Variants in AFDN observed in about 807,000 individuals in gnomAD.
AFDN encodes afadin, adherens junction formation factor.
Under a neutral mutation model 216.6 loss-of-function variants are expected in AFDN, and 68 were observed. The observed-to-expected ratio is 0.31, with a 90% CI of 0.26 to 0.38. AFDN has a LOEUF of 0.38. Among genes scored for constraint, AFDN ranks in the 10% least tolerant of loss-of-function variants. The probability of loss-of-function intolerance (pLI) is 1.00; values close to 1 mark genes in which losing one functional copy is unlikely to be tolerated. For missense variants in AFDN, 2,136 were observed against 2,342.0 expected, an observed-to-expected ratio of 0.91 and a Z score of 1.82; for synonymous variants, 868 against 853.7, an observed-to-expected ratio of 1.02 and a Z score of -0.29.
Position 167,954,127 on chromosome 6 carries a change from T to C in AFDN, c.4833+1940T>C, listed in dbSNP as rs185672479. Among the ~76,000 whole-genome samples, 352 of 152,364 alleles carry C rather than the reference T, an allele frequency of 2.3e-3. 4 individuals are homozygous for C. The highest frequency in any genetic ancestry group is 7.5e-3 in the African/African-American group (313 of 41,588). On this transcript the variant is annotated intron_variant, in intron 30 of 33. Coordinates refer to ENST00000683244, the MANE Select transcript of AFDN (RefSeq NM_001386888.1). ...ATTGCGATATTTGGAAAGTTTCTTATGAAAATTTAGTAAAAAATATTTGCT... is the reference window on the plus strand; with the variant it reads ...ATTGCGATATTTGGAAAGTTTCTTACGAAAATTTAGTAAAAAATATTTGCT...
chr6:167,948,189 A>G, intron 28 of AFDN, 104 bp from the exon 29 acceptor site: 1 of 1,000,848 alleles, frequency 1.0e-6, no homozygotes, highest in East Asian at 2.6e-5. Flanking sequence ...TTAATGCAGT[A>G]TTTAACATAT....
chr6:167,932,459 A>T (rs1793430354), intron 23 of AFDN: 1 of 152,240 alleles, frequency 6.6e-6, no homozygotes, highest in South Asian at 2.1e-4. Context: ...AATTACAAAC[A>T]ATTCCCTCCT....
At chr6:167,831,229 G>C (rs1467499496) in intron 1 of AFDN, among the ~76,000 whole-genome samples, 2 of 152,124 alleles carry the variant, frequency 1.3e-5, no homozygotes, top group African/African-American at 4.8e-5. Context: ...GAGCCACTGT[G>C]CCTGGCTGTC....
At chr6:167,923,417 A>G (rs1049949800) in intron 22 of AFDN, among the ~76,000 whole-genome samples, 7 of 152,166 alleles carry the variant, frequency 4.6e-5, no homozygotes, top group Non-Finnish European at 8.8e-5. Flanking sequence ...GTTAAGAACA[A>G]TTCTACTTTG....
chr6:167,965,987 C>A lies in AFDN; in HGVS notation c.5199C>A (p.Phe1733Leu). The change falls in exon 32 of 34, where the codon TTC becomes TTA. Residue 1733 changes from phenylalanine (F) to leucine (L), a missense_variant. This residue lies in a region of AFDN where 981 missense variants were observed against 966.0 expected (regional missense o/e 1.02). Coordinates refer to ENST00000683244, the MANE Select transcript of AFDN (RefSeq NM_001386888.1). ...KTQVLSPDSL[F>L]TAKFVAYNEE... Reference sequence around the variant, plus strand: ...AGGTCCTCTCCCCCGACTCGCTGTTCACTGCCAAGTTTGTTGCATACAATG... The same window carrying A: ...AGGTCCTCTCCCCCGACTCGCTGTTAACTGCCAAGTTTGTTGCATACAATG... 6.5e-7 allele frequency: 1 copy of A among 1,550,100 alleles called. No homozygotes were observed. The highest frequency in any genetic ancestry group is 8.7e-7 in the Non-Finnish European group (1 of 1,146,554).
intron 6 of AFDN, among the ~76,000 whole-genome samples, chr6:167,883,412 C>G (rs1313673674): frequency 6.6e-6 from 1 of 152,148 alleles, no homozygotes; most frequent in Non-Finnish European, 1.5e-5. Context: ...AAGCAGACAA[C>G]AAGCCCAGCA....
chr6:167,844,221 T>C (rs939680280), intron 1 of AFDN, among the ~76,000 whole-genome samples: 4 of 146,092 alleles, frequency 2.7e-5, no homozygotes, highest in Non-Finnish European at 1.5e-5. Context: ...TGTGTGTGTT[T>C]TGAGATGAGA....
intron 31 of AFDN, chr6:167,963,330 C>G: frequency 9.4e-7 from 1 of 1,061,356 alleles, no homozygotes; most frequent in Non-Finnish European, 1.1e-6. Context: ...GCGTGTTGCT[C>G]TGTGTGGTTT....
At chr6:167,879,793 T>C (rs2128293506) in intron 5 of AFDN, among the ~76,000 whole-genome samples, 1 of 152,368 alleles carries the variant, frequency 6.6e-6, no homozygotes, top group East Asian at 1.9e-4. Flanking sequence ...AATAGAACTC[T>C]GCTCTGTTGG....
intron 32 of AFDN, 183 bp downstream of exon 32, chr6:167,966,228 C>G: frequency 1.3e-6 from 2 of 1,531,636 alleles, no homozygotes; most frequent in Non-Finnish European, 1.7e-6. Flanking sequence ...GCCCCTGCCC[C>G]CTCCAAAAAA....
At position 167,934,348 on chromosome 6, in the gene AFDN, C is replaced by T. The variant is rs555769425; in HGVS notation, c.3100-8781C>T. On this transcript the variant is annotated intron_variant, in intron 23 of 33. Transcript: ENST00000683244. ...GCTGGGGGTAACTTACCATGGACTT[C>T]CAAGGTTGCTGAATGTAGAATTCAT... Among the ~76,000 whole-genome samples, 9 of 152,230 alleles carry T rather than the reference C, an allele frequency of 5.9e-5. No homozygotes were observed. In the South Asian group the frequency reaches 1.7e-3, roughly 28 times the overall value.
At chr6:167,947,755 C>T (rs1795492369) in intron 27 of AFDN, 98 bp from the exon 28 acceptor site, 3 of 693,796 alleles carry the variant, frequency 4.3e-6, no homozygotes, top group Non-Finnish European at 4.9e-6. Context: ...TACTCACTAG[C>T]AGTATGAAGA....
At chr6:167,924,809 AATATCGAT>A (rs774151908) in intron 22 of AFDN, 188 bp from the exon 23 acceptor site, 3 of 605,930 alleles carry the variant, frequency 5.0e-6, no homozygotes, top group Non-Finnish European at 9.0e-6. Flanking sequence ...TTGAGTCAAG[AATATCGAT>A]TTAGTTTACC....
At chr6:167,894,919 T>C (rs1463823841) in intron 9 of AFDN, among the ~76,000 whole-genome samples, 1 of 152,272 alleles carries the variant, frequency 6.6e-6, no homozygotes, top group East Asian at 1.9e-4. Context: ...TTTTTAACTT[T>C]GCGTTGAAAT....
chr6:167,956,127 A>C (rs1415470516), intron 30 of AFDN, among the ~76,000 whole-genome samples: 2 of 150,908 alleles, frequency 1.3e-5, no homozygotes, highest in African/African-American at 4.9e-5. Flanking sequence ...AAAAAAAAAA[A>C]AAAAAAAAAA....
chr6:167,895,679 G>A (rs573700121), intron 9 of AFDN, among the ~76,000 whole-genome samples: 3 of 152,286 alleles, frequency 2.0e-5, no homozygotes, highest in South Asian at 4.1e-4. Context: ...TGAGAGTTTA[G>A]CGGTACCACT....
chr6:167,956,548 C>T (rs536025484), intron 30 of AFDN, among the ~76,000 whole-genome samples: 2 of 152,302 alleles, frequency 1.3e-5, no homozygotes, highest in African/African-American at 2.4e-5. Context: ...CCAAACTTCT[C>T]ACATACTAAA....
intron 21 of AFDN, among the ~76,000 whole-genome samples, chr6:167,919,795 A>G (rs1303674950): frequency 1.3e-5 from 2 of 152,254 alleles, no homozygotes; most frequent in South Asian, 4.1e-4. Context: ...TTTTTCATAA[A>G]GTAGAAAACA....
intron 1 of AFDN, among the ~76,000 whole-genome samples, chr6:167,858,453 T>C (rs915687516): frequency 6.6e-6 from 1 of 152,228 alleles, no homozygotes; most frequent in Non-Finnish European, 1.5e-5. Context: ...GTGTGCTTTC[T>C]CTCTGTTTTG....
Sources: gnomAD v4.1 joint callset for allele counts (sites outside exome capture counted in the v4.1 genomes callset) on GRCh38, gnomAD v4.1.1 for gene constraint, gnomAD v4.1.1 regional missense constraint, MANE v1.5 for transcripts, NCBI Gene and HGNC (gene_info 2026-07-23, HGNC 2026-07-21) for gene names.